Variants in EPB41L2 observed in about 807,000 individuals in gnomAD.
EPB41L2 encodes the protein band 4.1-like protein 2.
Under a neutral mutation model 113.0 loss-of-function variants are expected in EPB41L2, and 43 were observed. The observed-to-expected ratio is 0.38, with a 90% CI of 0.30 to 0.49. EPB41L2 has a LOEUF of 0.49. Ranked by LOEUF, EPB41L2 falls within the 20% of genes least tolerant of loss-of-function variation. The pLI, the probability that EPB41L2 is intolerant of heterozygous loss-of-function variation, is 0.95. For missense variants in EPB41L2, 1,147 were observed against 1,223.4 expected, an observed-to-expected ratio of 0.94 and a Z score of 0.93; for synonymous variants, 442 against 436.7, an observed-to-expected ratio of 1.01 and a Z score of -0.15.
At chr6:130,958,401 G>T (rs769783082) in intron 1 of EPB41L2, among the ~76,000 whole-genome samples, 1 of 147,780 alleles carries the variant, frequency 6.8e-6, no homozygotes, top group African/African-American at 2.5e-5. Flanking sequence ...GCAGTGAGCC[G>T]AGATTGTGTC....
chr6:131,018,272 G>A (rs1432536388), intron 1 of EPB41L2, among the ~76,000 whole-genome samples: 1 of 152,042 alleles, frequency 6.6e-6, no homozygotes, highest in South Asian at 2.1e-4. Flanking sequence ...CCACTTCAAG[G>A]GTGGGGGAAG....
At chr6:130,984,055 C>A (rs1458379326) in intron 1 of EPB41L2, among the ~76,000 whole-genome samples, 1 of 152,086 alleles carries the variant, frequency 6.6e-6, no homozygotes, top group Non-Finnish European at 1.5e-5. Context: ...TTTTTAAACT[C>A]TTTTGTTAAA....
rs1788132214 is a variant in EPB41L2 at position 130,878,130 on chromosome 6, T to C, written c.2017A>G (p.Thr673Ala). Residue 673 changes from threonine to alanine, a missense_variant, in exon 14 of 20, where the codon ACA becomes GCA. By Grantham distance (58) the Thr-to-Ala change is moderately conservative. Transcript: ENST00000337057. ...CCTTGTGTCTGTAGGGACAGAGGTG[T>C]GATACGTCGTTTTTCCCATTCATTA... ...RPNEWEKRRI[T>A]PLSLQTQGSS... The C allele has an allele frequency of 2.5e-6, 4 of 1,613,298 alleles. No individual in the cohort carries two copies. Among genetic ancestry groups the C allele is most frequent in the Admixed American group, 1.7e-5 (1 of 59,858 alleles).
chr6:131,003,223 T>C (rs891333498), intron 1 of EPB41L2, among the ~76,000 whole-genome samples: 5 of 152,158 alleles, frequency 3.3e-5, no homozygotes, highest in South Asian at 2.1e-4. Flanking sequence ...GAGCCTCACT[T>C]TGTGAAATGT....
chr6:130,993,639 C>A (rs1782407258), intron 1 of EPB41L2, among the ~76,000 whole-genome samples: 1 of 152,156 alleles, frequency 6.6e-6, no homozygotes, highest in African/African-American at 2.4e-5. Context: ...ATGTGTCTTC[C>A]GGCCAGCTCT....
At chr6:130,859,095 T>C (rs1385882521) in intron 18 of EPB41L2, among the ~76,000 whole-genome samples, 2 of 152,336 alleles carry the variant, frequency 1.3e-5, no homozygotes, top group East Asian at 3.9e-4. Context: ...GAAAGTAAAC[T>C]GTAAGAGTGT....
At chr6:130,928,214 T>C (rs1404218822) in intron 3 of EPB41L2, among the ~76,000 whole-genome samples, 1 of 152,248 alleles carries the variant, frequency 6.6e-6, no homozygotes, top group Non-Finnish European at 1.5e-5. Flanking sequence ...GATAGATATG[T>C]GCTTGTTTGT....
chr6:130,868,896 C>T (rs1296923295), intron 15 of EPB41L2: 1 of 152,240 alleles, frequency 6.6e-6, no homozygotes, highest in Admixed American at 6.5e-5. Context: ...GAATGAGAAG[C>T]GAGGATATCC....
At chr6:130,870,468 C>T (rs1173966555) in intron 14 of EPB41L2, 1 of 1,353,332 alleles carries the variant, frequency 7.4e-7, no homozygotes, top group Non-Finnish European at 1.0e-6. Flanking sequence ...ACTGCAAAGA[C>T]AAAACAGCAA....
At chr6:131,001,753 A>G (rs1438310422) in intron 1 of EPB41L2, among the ~76,000 whole-genome samples, 2 of 152,094 alleles carry the variant, frequency 1.3e-5, no homozygotes, top group East Asian at 1.9e-4. Flanking sequence ...TTCCCTACCT[A>G]TAAGTAGATC....
At chr6:130,903,392 G>GAATTTTTTTTTT (rs1214890317) in intron 6 of EPB41L2, among the ~76,000 whole-genome samples, 1 of 125,874 alleles carries the variant, frequency 7.9e-6, no homozygotes, top group Non-Finnish European at 1.5e-5. Context: ...TCAGCAACAA[G>GAATTTTTTTTTT]TAGTTTAAAA....
chr6:131,047,355 AT>A (rs1488738406), intron 1 of EPB41L2, among the ~76,000 whole-genome samples: 2 of 152,178 alleles, frequency 1.3e-5, no homozygotes, highest in African/African-American at 2.4e-5. Context: ...TCTAAAAAAA[AT>A]ATTTAAAAAT....
At chr6:130,939,544 C>T (rs1272584685) in intron 3 of EPB41L2, among the ~76,000 whole-genome samples, 3 of 152,084 alleles carry the variant, frequency 2.0e-5, no homozygotes. Flanking sequence ...TAAGACACCG[C>T]GCCCGGCCCC....
chr6:130,864,608 C>T (rs1178568740), intron 17 of EPB41L2, among the ~76,000 whole-genome samples: 3 of 152,160 alleles, frequency 2.0e-5, no homozygotes, highest in Non-Finnish European at 4.4e-5. Context: ...CCTGGGAAAG[C>T]GCACATCCAA....
At chr6:130,901,535 T>TAA (rs34846638) in intron 6 of EPB41L2, among the ~76,000 whole-genome samples, 3,584 of 147,566 alleles carry the variant, frequency 0.024, 144 homozygotes, top group African/African-American at 0.084. Flanking sequence ...ATTAATAGAT[T>TAA]AAAAAAAAAA....
At chr6:130,899,690 C>T (rs1795762726) in intron 7 of EPB41L2, 112 bp from the exon 8 acceptor site, 1 of 936,652 alleles carries the variant, frequency 1.1e-6, no homozygotes, top group Non-Finnish European at 1.6e-6. Context: ...GTTACCCAGC[C>T]AAGTTTGCAG....
chr6:131,015,259 A>C (rs1008970594), intron 1 of EPB41L2: 3 of 152,244 alleles, frequency 2.0e-5, no homozygotes, highest in Non-Finnish European at 2.9e-5. Flanking sequence ...GCAAGAAGAA[A>C]GAGTCTGTGT....
At chr6:131,013,250 AT>A (rs995107897) in intron 1 of EPB41L2, among the ~76,000 whole-genome samples, 23 of 139,756 alleles carry the variant, frequency 1.6e-4, no homozygotes, top group Admixed American at 4.9e-4. Flanking sequence ...AAAAAAAAAA[AT>A]ATATATATAT....
At chr6:130,913,303 C>G (rs7754229) in intron 4 of EPB41L2, among the ~76,000 whole-genome samples, 2,448 of 152,326 alleles carry the variant, frequency 0.016, 54 homozygotes, top group African/African-American at 0.046. Flanking sequence ...TTACTTTCAA[C>G]CATCCAAAGA....
Sources: gnomAD v4.1 joint callset for allele counts (sites outside exome capture counted in the v4.1 genomes callset) on GRCh38, gnomAD v4.1.1 for gene constraint, MANE v1.5 for transcripts, NCBI Gene and HGNC (gene_info 2026-07-23, HGNC 2026-07-21) for gene names.